Variants in KCNJ15 observed in about 807,000 individuals in gnomAD.
The protein encoded by KCNJ15 is ATP-sensitive inward rectifier potassium channel 15.
In KCNJ15, 14 loss-of-function variants were observed where a neutral mutation model predicts 23.0. That is an observed-to-expected ratio of 0.61 (90% confidence interval 0.40 to 0.95). KCNJ15 has a LOEUF of 0.95. KCNJ15 is among the 40% of genes least tolerant of loss of function. KCNJ15 has a pLI of 0.00. For synonymous variants in KCNJ15, 185 were observed against 183.2 expected (o/e 1.01, Z -0.08); for missense variants, 388 against 461.8 (o/e 0.84, Z 1.46).
At chr21:38,286,571 G>C (rs1003696832) in intron 1 of KCNJ15, among the ~76,000 whole-genome samples, 2 of 152,196 alleles carry the variant, frequency 1.3e-5, no homozygotes, top group African/African-American at 2.4e-5. Flanking sequence ...TTTCATAAAA[G>C]ACACAGTATC....
chr21:38,297,355 C>T (rs1017330844), intron 2 of KCNJ15, among the ~76,000 whole-genome samples: 3 of 152,230 alleles, frequency 2.0e-5, no homozygotes, highest in Admixed American at 6.5e-5. Flanking sequence ...ATGGTGCTGC[C>T]TTCATAAAAA....
At chr21:38,280,151 G>C (rs779668169) in intron 1 of KCNJ15, among the ~76,000 whole-genome samples, 5 of 152,190 alleles carry the variant, frequency 3.3e-5, no homozygotes, top group Non-Finnish European at 7.3e-5. Context: ...CTGCGGACTA[G>C]TTTCAGAGGA....
chr21:38,268,569 A>AAG (rs1555883220), intron 1 of KCNJ15, among the ~76,000 whole-genome samples: 6 of 136,076 alleles, frequency 4.4e-5, no homozygotes, highest in South Asian at 2.3e-4. Flanking sequence ...AAAAAAAAAA[A>AAG]AAAAAAAAGA....
In KCNJ15 at chr21:38,299,213, G is replaced by A. The variant is rs571544782; in HGVS notation, c.-18-31G>A. On this transcript the variant is annotated intron_variant, in intron 2 of 2. Transcript: ENST00000398938. This position sits in a 1 kb window ranked among gnomAD's most constrained non-coding sequence, Gnocchi z 4.5. Reference sequence around the variant, plus strand: ...TTCTGGAAGTTCCACCACATATGGCGATAATGAAACATCTTTGTCATTTCT... The same window carrying A: ...TTCTGGAAGTTCCACCACATATGGCAATAATGAAACATCTTTGTCATTTCT... The A allele has an allele frequency of 2.4e-4, 360 of 1,509,228 alleles. 1 individual carries two copies. In the South Asian group the frequency reaches 4.1e-3, roughly 17 times the overall value. The allele number at this position is 1,509,228 out of a possible 1,614,324, so 93.5% of individuals were successfully genotyped here.
chr21:38,266,990 G>T (rs560213657), intron 1 of KCNJ15, among the ~76,000 whole-genome samples: 50 of 152,346 alleles, frequency 3.3e-4, no homozygotes, highest in Non-Finnish European at 4.9e-4. Flanking sequence ...AGAAATACCA[G>T]TCTGGCAGTG....
intron 1 of KCNJ15, among the ~76,000 whole-genome samples, chr21:38,277,794 A>G (rs1982883742): frequency 6.6e-6 from 1 of 152,302 alleles, no homozygotes. Context: ...TGATAAATGC[A>G]TGGAGAGCAC....
intron 1 of KCNJ15, among the ~76,000 whole-genome samples, chr21:38,247,034 G>GTGGA (rs1167961345): frequency 4.8e-5 from 7 of 146,682 alleles, no homozygotes; most frequent in South Asian, 2.2e-4. Context: ...GGATGCATAA[G>GTGGA]TGGATGGATG....
chr21:38,274,790 C>T (rs115877769), intron 1 of KCNJ15, among the ~76,000 whole-genome samples: 2 of 152,290 alleles, frequency 1.3e-5, no homozygotes, highest in South Asian at 4.1e-4. Context: ...ATCTGGCTGG[C>T]CTTTCTCCAG....
At chr21:38,251,526 C>T (rs565289812) in intron 1 of KCNJ15, among the ~76,000 whole-genome samples, 10 of 152,314 alleles carry the variant, frequency 6.6e-5, no homozygotes, top group African/African-American at 1.9e-4. Flanking sequence ...GAGGCGGGCA[C>T]TTCATGCACC....
intron 1 of KCNJ15, among the ~76,000 whole-genome samples, chr21:38,284,431 CTCTG>C (rs1207231589): frequency 6.6e-6 from 1 of 152,146 alleles, no homozygotes; most frequent in African/African-American, 2.4e-5. Context: ...CGCCTGTTGA[CTCTG>C]TCTGGGACCT....
intron 1 of KCNJ15, among the ~76,000 whole-genome samples, chr21:38,265,614 G>A (rs2123625136): frequency 6.6e-6 from 1 of 152,274 alleles, no homozygotes; most frequent in Non-Finnish European, 1.5e-5. Flanking sequence ...TCTTGCCAAG[G>A]GCTTACTCTG....
At chr21:38,286,271 A>G (rs1983896001) in intron 1 of KCNJ15, among the ~76,000 whole-genome samples, 1 of 152,048 alleles carries the variant, frequency 6.6e-6, no homozygotes, top group Non-Finnish European at 1.5e-5. Context: ...AAAAACAAAC[A>G]AACAAACAAA....
rs1484487815 is a variant in KCNJ15 at position 38,301,982 on chromosome 21, GCA to G, written c.*1599_*1600del. On this transcript the variant is annotated 3_prime_UTR_variant, in exon 3 of 3. Transcript: ENST00000398938. ...GTCACACACGCACACACACACACAT[GCA>G]CACACGCGCGTGCACACACGCACAC... 7 of 149,698 alleles carry G rather than the reference GCA, an allele frequency of 4.7e-5. No individual in the cohort carries two copies. The highest frequency in any genetic ancestry group is 3.3e-4 in the Admixed American group (5 of 15,062). 9.3% of individuals were successfully genotyped at this position (149,698 alleles called of 1,614,324 possible).
chr21:38,238,113 C>T (rs1978737480), intron 1 of KCNJ15: 3 of 354,404 alleles, frequency 8.5e-6, no homozygotes, highest in East Asian at 1.4e-4. Context: ...CTGAAGTCAC[C>T]TGGTGGCAGG....
At position 38,238,077 on chromosome 21, in the gene KCNJ15, G is replaced by A. The variant is rs145558059; in HGVS notation, c.-398-18969G>A. Reference sequence around the variant, plus strand: ...GTTAAGTTTATTCTAGGGTGAGTGGGTGCCCAAGGGAGGCAGTGAGTATGG... The same window carrying A: ...GTTAAGTTTATTCTAGGGTGAGTGGATGCCCAAGGGAGGCAGTGAGTATGG... On this transcript the variant is annotated intron_variant, in intron 1 of 4. Transcript: ENST00000547341. The A allele has an allele frequency of 1.2e-3, 381 of 320,296 alleles. 1 individual carries two copies. The highest frequency in any genetic ancestry group is 7.6e-3 in the African/African-American group (355 of 46,432). The allele number at this position is 320,296 out of a possible 1,614,324, so 19.8% of individuals were successfully genotyped here. A position where few individuals can be genotyped will look rare whatever the true frequency, so the allele number is the denominator to read the frequency against.
chr21:38,244,495 C>T (rs908400405), intron 1 of KCNJ15, among the ~76,000 whole-genome samples: 3 of 152,152 alleles, frequency 2.0e-5, no homozygotes, highest in East Asian at 1.9e-4. Flanking sequence ...AACTAACTTC[C>T]GCATCTCCTG....
chr21:38,278,831 TG>T (rs1470369010), intron 1 of KCNJ15, among the ~76,000 whole-genome samples: 1 of 152,042 alleles, frequency 6.6e-6, no homozygotes, highest in African/African-American at 2.4e-5. Flanking sequence ...CTAAGGCAGG[TG>T]GGGCCAGTTT....
At chr21:38,238,564 G>T in intron 1 of KCNJ15, 1 of 628,056 alleles carries the variant, frequency 1.6e-6, no homozygotes, top group Non-Finnish European at 3.0e-6. Flanking sequence ...CTGGGAGAAG[G>T]CAGTCACTAG....
rs994876823 is a variant in KCNJ15, at chr21:38,293,759, T to C, written c.-116-3167T>C. Among the ~76,000 whole-genome samples, 6 of 152,344 alleles carry C rather than the reference T, an allele frequency of 3.9e-5. No individual in the cohort carries two copies. The East Asian group carries it at 9.6e-4, about 24-fold the overall frequency. The stretch of plus-strand genomic sequence containing the variant: ...GTGCTTTTGCAGAAGGAAAGTAGAA[T>C]TTCCTCAGGAGATACAAACCGAAGG... On this transcript the variant is annotated intron_variant, in intron 1 of 2. Coordinates refer to ENST00000398938, the MANE Select transcript of KCNJ15 (RefSeq NM_170736.3).
Sources: gnomAD v4.1 joint callset for allele counts (sites outside exome capture counted in the v4.1 genomes callset) on GRCh38, gnomAD v4.1.1 for gene constraint, Gnocchi (gnomAD v3.1) non-coding constraint, MANE v1.5 for transcripts, NCBI Gene and HGNC (gene_info 2026-07-23, HGNC 2026-07-21) for gene names.